The following RAB11FIP4 variants were observed in gnomAD, a reference collection of about 807,000 sequenced individuals.
RAB11FIP4 encodes RAB11 family interacting protein 4, also known as rab11 family-interacting protein 4.
Under a neutral mutation model 74.3 loss-of-function variants are expected in RAB11FIP4, and 23 were observed. The ratio of observed to expected loss-of-function variants is 0.31; its 90% CI spans 0.22 to 0.44. The LOEUF is 0.44. Among genes scored for constraint, RAB11FIP4 ranks in the 20% least tolerant of loss-of-function variants. RAB11FIP4 has a pLI of 1.00. For missense variants in RAB11FIP4, 630 were observed against 863.9 expected (o/e 0.73, Z 3.39); for synonymous variants, 360 against 359.9 (o/e 1.00, Z 0.00).
At chr17:31,497,370 A>G (rs913103229) in intron 3 of RAB11FIP4, among the ~76,000 whole-genome samples, 2 of 150,976 alleles carry the variant, frequency 1.3e-5, no homozygotes, top group Admixed American at 6.6e-5. Context: ...TCTCAAAAAC[A>G]AAACAAAAAA....
At chr17:31,472,245 C>T (rs570633029) in intron 3 of RAB11FIP4, among the ~76,000 whole-genome samples, 19 of 152,298 alleles carry the variant, frequency 1.2e-4, no homozygotes, top group African/African-American at 3.1e-4. Flanking sequence ...GGCTGAGCAC[C>T]GCCCTGGGCT....
intron 3 of RAB11FIP4, chr17:31,508,964 C>T (rs1212753641): frequency 6.6e-6 from 1 of 152,612 alleles, no homozygotes; most frequent in East Asian, 1.9e-4. Context: ...GCAGCCCTTC[C>T]TCGGTGATGT....
In RAB11FIP4 at chr17:31,486,983, TGTGTGG is replaced by T. The variant is rs905636129; in HGVS notation, c.337-30658_337-30653del. On this transcript the variant is annotated intron_variant, in intron 3 of 14. Coordinates refer to ENST00000621161, the MANE Select transcript of RAB11FIP4 (RefSeq NM_032932.6). ...GCGTGTGTGCATGTGTGTGTGTGCA[TGTGTGG>T]GTGTGGGTGGGTGTGTAGGGTGGTG... Among the ~76,000 whole-genome samples the T allele has an allele frequency of 7.2e-5, 11 of 152,076 alleles. No individual in the cohort carries two copies. The East Asian group carries it at 1.2e-3, about 16-fold the overall frequency.
intron 3 of RAB11FIP4, among the ~76,000 whole-genome samples, chr17:31,495,406 G>T (rs957763935): frequency 7.8e-6 from 1 of 128,768 alleles, no homozygotes; most frequent in Non-Finnish European, 1.6e-5. Flanking sequence ...ACAGGGTTTC[G>T]CATTTCTGCC....
intron 3 of RAB11FIP4, among the ~76,000 whole-genome samples, chr17:31,492,148 C>G (rs1446792245): frequency 6.6e-6 from 1 of 152,214 alleles, no homozygotes; most frequent in African/African-American, 2.4e-5. Context: ...GCCTGTGTCA[C>G]CCAGGCTGTC....
chr17:31,442,076 G>A lies in RAB11FIP4; in HGVS notation c.336+7954G>A, dbSNP rs191424656. Reference sequence around the variant, plus strand: ...TGCAGTGGTGCAATCTCGGCTCACCGCAAGCTCCGCCTCCTGGGTTCACGC... The same window carrying A: ...TGCAGTGGTGCAATCTCGGCTCACCACAAGCTCCGCCTCCTGGGTTCACGC... On this transcript the variant is annotated intron_variant, in intron 3 of 14. Transcript: ENST00000621161. Among the ~76,000 whole-genome samples, 490 of 151,348 alleles carry A rather than the reference G, an allele frequency of 3.2e-3. 1 individual carries two copies. Among genetic ancestry groups the A allele is most frequent in the African/African-American group, 0.011 (445 of 41,194 alleles).
At chr17:31,443,967 T>TGAGCCC (rs1490970182) in intron 3 of RAB11FIP4, among the ~76,000 whole-genome samples, 6 of 152,338 alleles carry the variant, frequency 3.9e-5, no homozygotes, top group Non-Finnish European at 7.3e-5. Context: ...GACCTGAGCC[T>TGAGCCC]GAGCCCAAAT....
chr17:31,477,501 G>A lies in RAB11FIP4; in HGVS notation c.337-40150G>A, dbSNP rs1016933441. On this transcript the variant is annotated intron_variant, in intron 3 of 14. Transcript: ENST00000621161. The stretch of plus-strand genomic sequence containing the variant: ...CTGACAGCAGAGCCCCAGGTCCCCA[G>A]ACAAGCTGTGGGGAGAAGAGCAGCG... Among the ~76,000 whole-genome samples, 9 of 152,364 alleles carry A rather than the reference G, an allele frequency of 5.9e-5. 1 individual carries two copies. In the South Asian group the frequency reaches 1.7e-3, roughly 28 times the overall value.
intron 3 of RAB11FIP4, among the ~76,000 whole-genome samples, chr17:31,446,363 T>C (rs2071463655): frequency 6.6e-6 from 1 of 152,046 alleles, no homozygotes; most frequent in Non-Finnish European, 1.5e-5. Context: ...AAATGCCTAA[T>C]TGTGTGTGTG....
At position 31,434,265 on chromosome 17, in the gene RAB11FIP4, T is replaced by C. The variant is rs148877499; in HGVS notation, c.336+143T>C. 4.6e-4 allele frequency: 322 copies of C among 696,540 alleles called. 2 individuals are homozygous for C. In the East Asian group the frequency reaches 8.6e-3, roughly 19 times the overall value. The allele number at this position is 696,540 out of a possible 1,614,324, so 43.1% of individuals were successfully genotyped here. The stretch of plus-strand genomic sequence containing the variant: ...GAGCATCAGAGTCAAGAAATAGTTT[T>C]TGGAACAGGAGCCCTGAGTCCCCTT... On this transcript the variant is annotated intron_variant, in intron 3 of 14. Transcript: ENST00000621161.
chr17:31,479,506 G>T (rs1471789435), intron 3 of RAB11FIP4, among the ~76,000 whole-genome samples: 3 of 152,220 alleles, frequency 2.0e-5, no homozygotes, highest in Admixed American at 6.5e-5. Flanking sequence ...GACACCAGGG[G>T]CATGGACCCT....
At chr17:31,423,423 AT>A (rs1259805998) in intron 1 of RAB11FIP4, among the ~76,000 whole-genome samples, 1 of 152,186 alleles carries the variant, frequency 6.6e-6, no homozygotes, top group Non-Finnish European at 1.5e-5. Context: ...GCTGGAGTGC[AT>A]TGGCATGATC....
chr17:31,522,362 C>A lies in RAB11FIP4; in HGVS notation c.896C>A (p.Pro299His). 6.2e-7 allele frequency: 1 copy of A among 1,613,946 alleles called. No homozygotes were observed. ...ARLKNLKANSPNRKISSTAFG... is the reference protein window; with the variant it reads ...ARLKNLKANSHNRKISSTAFG... The stretch of plus-strand genomic sequence containing the variant: ...GACTGTTTCCTTTCTCTCTCTAGCC[C>A]CAACCGAAAGATCTCCAGCACGGCC... The change falls in exon 7 of 15, where the codon CCC (proline) becomes CAC (histidine). Residue 299 changes from proline (P) to histidine (H), a missense_variant and splice_region_variant. Physicochemically the swap from Pro to His is moderately conservative, Grantham distance 77 (BLOSUM62 -2). Transcript: ENST00000621161.
At chr17:31,394,638 A>G (rs2070909808) in intron 1 of RAB11FIP4, among the ~76,000 whole-genome samples, 2 of 151,938 alleles carry the variant, frequency 1.3e-5, no homozygotes, top group Admixed American at 1.3e-4. Context: ...TGTTCATTTC[A>G]TCACATTGTA....
rs980227169 is a variant in RAB11FIP4, at chr17:31,534,643, G to C, written c.*2911G>C. 3.9e-5 allele frequency: 6 copies of C among 152,162 alleles called. No homozygotes were observed. The highest frequency in any genetic ancestry group is 1.4e-4 in the African/African-American group (6 of 41,428). 9.4% of individuals were successfully genotyped at this position (152,162 alleles called of 1,614,324 possible). ...CAGACGTTCTGGTTTGATTGTTGTGGGTGTAGCCCAGGCATGGGATTTTTT... is the reference window on the plus strand; with the variant it reads ...CAGACGTTCTGGTTTGATTGTTGTGCGTGTAGCCCAGGCATGGGATTTTTT... On this transcript the variant is annotated 3_prime_UTR_variant, in exon 15 of 15. Transcript: ENST00000621161.
At chr17:31,397,228 G>T (rs542163375) in intron 1 of RAB11FIP4, among the ~76,000 whole-genome samples, 13 of 152,326 alleles carry the variant, frequency 8.5e-5, no homozygotes, top group African/African-American at 2.9e-4. Context: ...CAGATCAGTG[G>T]TTCCCTGTAG....
At chr17:31,459,716 C>T (rs139394590) in intron 3 of RAB11FIP4, among the ~76,000 whole-genome samples, 277 of 152,186 alleles carry the variant, frequency 1.8e-3, no homozygotes, top group African/African-American at 6.3e-3. Context: ...TGACACAGCT[C>T]GGCTGCCACC....
intron 3 of RAB11FIP4, among the ~76,000 whole-genome samples, chr17:31,438,564 A>G (rs1000191021): frequency 1.3e-5 from 2 of 151,592 alleles, no homozygotes; most frequent in Non-Finnish European, 2.9e-5. Context: ...TCCTGTCCTC[A>G]GCCTTCCTCT....
At chr17:31,474,345 T>G (rs893934206) in intron 3 of RAB11FIP4, among the ~76,000 whole-genome samples, 1 of 150,758 alleles carries the variant, frequency 6.6e-6, no homozygotes, top group African/African-American at 2.4e-5. Context: ...GCTGAGGAGG[T>G]TGGAGGGGTG....
Sources: gnomAD v4.1 joint callset for allele counts (sites outside exome capture counted in the v4.1 genomes callset) on GRCh38, gnomAD v4.1.1 for gene constraint, MANE v1.5 for transcripts, NCBI Gene and HGNC (gene_info 2026-07-23, HGNC 2026-07-21) for gene names.